DHRS9: variants seen among roughly 807,000 people sequenced by gnomAD.
DHRS9 encodes dehydrogenase/reductase 9.
Under a neutral mutation model 26.6 loss-of-function variants are expected in DHRS9, and 18 were observed. That is an observed-to-expected ratio of 0.68 (90% CI 0.47 to 1.00). The LOEUF is 1.00. Ranked by LOEUF, DHRS9 falls within the 50% of genes least tolerant of loss-of-function variation. The pLI is 0.00. For synonymous variants in DHRS9, 134 were observed against 141.1 expected (o/e 0.95, Z 0.36); for missense variants, 425 against 378.7 (o/e 1.12, Z -1.01).
chr2:169,078,638 T>C (rs1282940466), intron 1 of DHRS9, among the ~76,000 whole-genome samples: 2 of 152,090 alleles, frequency 1.3e-5, no homozygotes, highest in Admixed American at 6.6e-5. Flanking sequence ...TGGACATTGA[T>C]TTGCAACAAA....
At chr2:169,075,633 T>C (rs1336472474) in intron 1 of DHRS9, among the ~76,000 whole-genome samples, 2 of 152,212 alleles carry the variant, frequency 1.3e-5, no homozygotes, top group Non-Finnish European at 1.5e-5. Flanking sequence ...GGATCACATA[T>C]TGCATTTGGT....
chr2:169,081,642 A>G lies in DHRS9; in HGVS notation c.61A>G (p.Lys21Glu). The change falls in exon 2 of 5, where the codon AAA (lysine) becomes GAA (glutamate). Residue 21 changes from lysine to glutamate, a missense_variant. By Grantham distance (56) the Lys-to-Glu change is moderately conservative. Coordinates refer to ENST00000674881, the MANE Select transcript of DHRS9 (RefSeq NM_001376924.1). ...LCGFLWTRKGKLKIEDITDKY... is the reference protein window; with the variant it reads ...LCGFLWTRKGELKIEDITDKY... ...TGGTTTTCTGTGGACTCGTAAAGGA[A>G]AACTAAAGATTGAAGACATCACTGA... 1 of 1,614,194 alleles carries G rather than the reference A, an allele frequency of 6.2e-7. No homozygotes were observed. Among genetic ancestry groups the G allele is most frequent in the South Asian group, 1.1e-5 (1 of 91,090 alleles).
At chr2:169,087,385 TC>T (rs1684385719) in intron 3 of DHRS9, among the ~76,000 whole-genome samples, 2 of 151,782 alleles carry the variant, frequency 1.3e-5, no homozygotes, top group Admixed American at 1.3e-4. Context: ...GGCACTGGGC[TC>T]CCCTCTGGCC....
intron 3 of DHRS9, among the ~76,000 whole-genome samples, chr2:169,091,050 T>C (rs895099454): frequency 1.3e-5 from 2 of 152,088 alleles, no homozygotes; most frequent in Non-Finnish European, 2.9e-5. Context: ...AGGTTAGGTA[T>C]ATTAGATGCA....
chr2:169,070,726 A>G, intron 1 of DHRS9: 1 of 985,414 alleles, frequency 1.0e-6, no homozygotes, highest in Non-Finnish European at 1.2e-6. Context: ...AACTGGTGTT[A>G]AAACTCTTAT....
At chr2:169,093,369 C>T (rs181341180) in intron 4 of DHRS9, among the ~76,000 whole-genome samples, 1 of 152,128 alleles carries the variant, frequency 6.6e-6, no homozygotes, top group East Asian at 1.9e-4. Context: ...TGCACACACA[C>T]AGAGGTACAC....
At chr2:169,074,876 T>C (rs1683917231) in intron 1 of DHRS9, among the ~76,000 whole-genome samples, 1 of 152,202 alleles carries the variant, frequency 6.6e-6, no homozygotes, top group Admixed American at 6.5e-5. Flanking sequence ...TCCAGAGCTG[T>C]ACCTAATGAG....
chr2:169,074,211 C>A, intron 1 of DHRS9: 2 of 934,056 alleles, frequency 2.1e-6, no homozygotes, highest in Non-Finnish European at 1.3e-6. Context: ...TAGGTCACTT[C>A]ACCCAGTACT....
intron 4 of DHRS9, among the ~76,000 whole-genome samples, chr2:169,094,051 C>A (rs1394144468): frequency 6.6e-6 from 1 of 152,188 alleles, no homozygotes; most frequent in Non-Finnish European, 1.5e-5. Context: ...TACATTCTCA[C>A]AAACAGTATA....
At chr2:169,078,927 TTCTCCTGCC>T (rs1684055308) in intron 1 of DHRS9, among the ~76,000 whole-genome samples, 2 of 23,684 alleles carry the variant, frequency 8.4e-5, no homozygotes, top group Middle Eastern at 0.1. Context: ...GGGTTCACGA[TTCTCCTGCC>T]TGATTCTCCT....
chr2:169,070,061 A>C (rs1216751507), intron 1 of DHRS9: 1 of 976,434 alleles, frequency 1.0e-6, no homozygotes, highest in Non-Finnish European at 1.2e-6. Context: ...TGGAGGGGGA[A>C]GTCTCCAAAA....
At chr2:169,092,131 T>G (rs1297932929) in intron 4 of DHRS9, among the ~76,000 whole-genome samples, 178 bp downstream of exon 4, 2 of 152,250 alleles carry the variant, frequency 1.3e-5, no homozygotes, top group Non-Finnish European at 2.9e-5. Context: ...TTATAAACAT[T>G]TACTGAGCAA....
At chr2:169,074,477 G>C in intron 1 of DHRS9, 1 of 984,732 alleles carries the variant, frequency 1.0e-6, no homozygotes, top group South Asian at 4.7e-5. Flanking sequence ...GTCAGTTCCT[G>C]GAGTTTCTGA....
upstream of DHRS9, among the ~76,000 whole-genome samples, chr2:169,067,562 A>T (rs147786015): frequency 3.3e-4 from 50 of 152,332 alleles, no homozygotes; most frequent in African/African-American, 1.2e-3. Context: ...ATTAAAATAA[A>T]ATGCACAGTG....
At chr2:169,067,227 T>C (rs1683669630), upstream of DHRS9, 1 of 1,535,424 alleles carries the variant, frequency 6.5e-7, no homozygotes, top group Non-Finnish European at 8.7e-7. Flanking sequence ...TGACACTGGA[T>C]ATACTCCAGA....
At position 169,095,884 on chromosome 2, in the gene DHRS9, A is replaced by T. The variant is rs1348604866; in HGVS notation, c.*117A>T. ...ACCTGGACTCATTTAGATCGTGCTT[A>T]TTTGGATTGCAAAAGGGAGTCCCAC... On this transcript the variant is annotated 3_prime_UTR_variant, in exon 5 of 5. Transcript: ENST00000674881. The T allele has an allele frequency of 1.1e-6, 1 of 951,296 alleles. No homozygotes were observed. The allele number at this position is 951,296 out of a possible 1,614,324, so 58.9% of individuals were successfully genotyped here. A position where few individuals can be genotyped will look rare whatever the true frequency, so the allele number is the denominator to read the frequency against.
intron 1 of DHRS9, chr2:169,070,744 G>A (rs1251184286): frequency 1.0e-6 from 1 of 985,390 alleles, no homozygotes; most frequent in East Asian, 1.1e-4. Flanking sequence ...TATAACAAAT[G>A]TCACTGTCTT....
chr2:169,072,047 GT>G (rs939936600), intron 1 of DHRS9, among the ~76,000 whole-genome samples: 14 of 142,682 alleles, frequency 9.8e-5, no homozygotes, highest in African/African-American at 2.9e-4. Flanking sequence ...ACAAAAACCA[GT>G]TTTTTTTTAC....
At chr2:169,088,385 T>A (rs561497058) in intron 3 of DHRS9, among the ~76,000 whole-genome samples, 2 of 152,202 alleles carry the variant, frequency 1.3e-5, no homozygotes, top group African/African-American at 4.8e-5. Context: ...AGGAGTAGCA[T>A]CAACAATTCA....
Sources: allele counts gnomAD v4.1 joint callset (sites outside exome capture counted in the v4.1 genomes callset), GRCh38; gene constraint gnomAD v4.1.1; transcripts MANE v1.5; gene names NCBI Gene and HGNC (gene_info 2026-07-23, HGNC 2026-07-21).